ZNF423: variants seen among roughly 807,000 people sequenced by gnomAD.
ZNF423 encodes zinc finger protein 423.
In ZNF423, 12 loss-of-function variants were observed where a neutral mutation model predicts 95.8. The observed-to-expected ratio is 0.13, with a 90% CI of 0.08 to 0.20. The LOEUF (loss-of-function observed/expected upper bound fraction) is 0.20. Among genes scored for constraint, ZNF423 ranks in the 10% least tolerant of loss-of-function variants. The pLI is 1.00. For synonymous variants in ZNF423, 749 were observed against 711.9 expected (o/e 1.05, Z -0.83); for missense variants, 1,316 against 1,737.1 (o/e 0.76, Z 4.31).
At chr16:49,535,195 TG>T (rs1969016281) in intron 5 of ZNF423, among the ~76,000 whole-genome samples, 1 of 152,170 alleles carries the variant, frequency 6.6e-6, no homozygotes. Flanking sequence ...CCAGCCTGGA[TG>T]GGATTACCAG....
chr16:49,749,293 C>T (rs1456109783), intron 2 of ZNF423, among the ~76,000 whole-genome samples: 2 of 152,162 alleles, frequency 1.3e-5, no homozygotes, highest in African/African-American at 2.4e-5. Context: ...AACAAGCATC[C>T]CAGGTCCTGA....
intron 5 of ZNF423, among the ~76,000 whole-genome samples, chr16:49,542,540 C>T (rs968360321): frequency 2.6e-5 from 4 of 152,252 alleles, no homozygotes; most frequent in African/African-American, 9.6e-5. Flanking sequence ...CCTGCTGTGA[C>T]ACATGGCCAG....
intron 1 of ZNF423, among the ~76,000 whole-genome samples, chr16:49,806,360 C>T (rs1267011232): frequency 6.6e-6 from 1 of 152,260 alleles, no homozygotes; most frequent in African/African-American, 2.4e-5. Context: ...AGAGGACCCA[C>T]ATCTGCCCAG....
chr16:49,671,391 C>T (rs1181745265), intron 3 of ZNF423, among the ~76,000 whole-genome samples: 1 of 152,232 alleles, frequency 6.6e-6, no homozygotes, highest in African/African-American at 2.4e-5. Flanking sequence ...GGACCAAGCC[C>T]GGCCTTGATA....
intron 2 of ZNF423, among the ~76,000 whole-genome samples, chr16:49,781,720 G>A (rs1039131313): frequency 2.6e-5 from 4 of 152,172 alleles, no homozygotes; most frequent in East Asian, 1.9e-4. Context: ...CCAAAACCTC[G>A]GGGCAAAGGA....
chr16:49,685,059 G>C (rs2031511039), intron 3 of ZNF423, among the ~76,000 whole-genome samples: 1 of 152,148 alleles, frequency 6.6e-6, no homozygotes, highest in South Asian at 2.1e-4. Flanking sequence ...AGGAACACTG[G>C]ACAGGCTGCC....
At chr16:49,839,305 A>T (rs2035157673) in intron 1 of ZNF423, among the ~76,000 whole-genome samples, 3 of 151,936 alleles carry the variant, frequency 2.0e-5, no homozygotes, top group Admixed American at 2.0e-4. Flanking sequence ...GCCTCAGGCC[A>T]CAGCCCTGGC....
Position 49,828,560 on chromosome 16 carries a change from A to G in ZNF423, c.40+27175T>C, listed in dbSNP as rs534152785. 3.3e-4 allele frequency among the ~76,000 whole-genome samples: 50 copies of G among 152,280 alleles called. 1 individual carries two copies. Among genetic ancestry groups the G allele is most frequent in the African/African-American group, 1.1e-3 (47 of 41,548 alleles). Reference sequence around the variant, plus strand: ...AAGCAACAGCAGGGGCCTAGAAAAGACTCCGCCAGCTTAAACAGCTCCACT... The same window carrying G: ...AAGCAACAGCAGGGGCCTAGAAAAGGCTCCGCCAGCTTAAACAGCTCCACT... On this transcript the variant is annotated intron_variant, in intron 1 of 7. Transcript: ENST00000563137.
chr16:49,530,841 C>T (rs769580977), intron 5 of ZNF423, among the ~76,000 whole-genome samples: 8 of 152,278 alleles, frequency 5.3e-5, no homozygotes, highest in Non-Finnish European at 7.4e-5. Flanking sequence ...CAGGGCAGAG[C>T]GGGGCAGCAG....
At chr16:49,653,028 C>T (rs915722058) in intron 3 of ZNF423, among the ~76,000 whole-genome samples, 2 of 152,172 alleles carry the variant, frequency 1.3e-5, no homozygotes, top group Non-Finnish European at 2.9e-5. Flanking sequence ...GATGTTTTGT[C>T]GTGCTCTGTG....
Position 49,525,389 on chromosome 16 carries a change from G to C in ZNF423, c.3707C>G (p.Thr1236Ser). The change falls in exon 6 of 8, where the codon ACC becomes AGC. Residue 1236 changes from threonine (T) to serine (S), a missense_variant. By Grantham distance (58) the Thr-to-Ser change is moderately conservative. Transcript: ENST00000563137. The part of the protein sequence containing the change: ...IEHSFEGMGG[T>S]FKCPVCFTVF... ...TGTGAAACACACGGGGCATTTGAAG[G>C]TGCCGCCCATGCCCTCGAAGCTGTG... 1.2e-6 allele frequency: 2 copies of C among 1,614,052 alleles called. No individual in the cohort carries two copies. The highest frequency in any genetic ancestry group is 1.3e-5 in the African/African-American group (1 of 75,032).
chr16:49,586,107 A>G (rs1970823151), intron 5 of ZNF423, among the ~76,000 whole-genome samples: 1 of 152,210 alleles, frequency 6.6e-6, no homozygotes, highest in South Asian at 2.1e-4. Context: ...GAGCACTGCT[A>G]ACTCTCCTGG....
At chr16:49,543,028 A>C (rs1406568655) in intron 5 of ZNF423, among the ~76,000 whole-genome samples, 1 of 152,164 alleles carries the variant, frequency 6.6e-6, no homozygotes, top group Non-Finnish European at 1.5e-5. Flanking sequence ...AGACAGCAGA[A>C]AGTGATCCAA....
At position 49,546,966 on chromosome 16, in the gene ZNF423, CT is replaced by C. The variant is rs1053267790; in HGVS notation, c.3602-21473del. 3.9e-4 allele frequency among the ~76,000 whole-genome samples: 59 copies of C among 151,362 alleles called. 1 individual carries two copies. Among genetic ancestry groups the C allele is most frequent in the African/African-American group, 1.2e-3 (51 of 41,214 alleles). ...ACTCCTCTGAGCCTCAGTTTTCTCACTGTCCAGAATGGACAAAAGTTTTATC... is the reference window on the plus strand; with the variant it reads ...ACTCCTCTGAGCCTCAGTTTTCTCACGTCCAGAATGGACAAAAGTTTTATC... On this transcript the variant is annotated intron_variant, in intron 5 of 7. Coordinates refer to ENST00000563137, the MANE Select transcript of ZNF423 (RefSeq NM_001379286.1).
chr16:49,525,843 G>C (rs777438260), intron 5 of ZNF423, among the ~76,000 whole-genome samples: 1 of 152,198 alleles, frequency 6.6e-6, no homozygotes, highest in Non-Finnish European at 1.5e-5. Context: ...GATGGAGAAG[G>C]TGGTCCAACC....
chr16:49,647,490 A>T (rs1282420704), intron 3 of ZNF423, among the ~76,000 whole-genome samples: 1 of 152,214 alleles, frequency 6.6e-6, no homozygotes, highest in Admixed American at 6.5e-5. Context: ...TAAAATAAAG[A>T]GATTATCCTG....
At chr16:49,589,184 A>G (rs1451350891) in intron 5 of ZNF423, among the ~76,000 whole-genome samples, 1 of 152,208 alleles carries the variant, frequency 6.6e-6, no homozygotes, top group Non-Finnish European at 1.5e-5. Context: ...AGTAGGTCAA[A>G]GTCCATCACA....
chr16:49,778,230 C>T (rs1468820019), intron 2 of ZNF423, among the ~76,000 whole-genome samples: 3 of 152,162 alleles, frequency 2.0e-5, no homozygotes, highest in African/African-American at 7.2e-5. Flanking sequence ...CCTGCCTGCA[C>T]ATTCAAGAAT....
intron 5 of ZNF423, among the ~76,000 whole-genome samples, chr16:49,596,915 A>G (rs1187832848): frequency 2.0e-5 from 3 of 152,206 alleles, no homozygotes; most frequent in Non-Finnish European, 2.9e-5. Flanking sequence ...CAGCCCAGCC[A>G]TTCTGTTCCA....
Sources: allele counts gnomAD v4.1 joint callset (sites outside exome capture counted in the v4.1 genomes callset), GRCh38; gene constraint gnomAD v4.1.1; transcripts MANE v1.5; gene names NCBI Gene and HGNC (gene_info 2026-07-23, HGNC 2026-07-21).